Variants in MAGI3 observed in about 807,000 individuals in gnomAD.
The protein encoded by MAGI3 is membrane-associated guanylate kinase, WW and PDZ domain-containing protein 3.
A neutral mutation model predicts 121.8 loss-of-function variants in MAGI3; 43 were observed. The observed-to-expected ratio is 0.35, with a 90% CI of 0.28 to 0.46. The LOEUF is 0.46. MAGI3 is among the 20% of genes least tolerant of loss of function. MAGI3 has a pLI of 1.00. For missense variants in MAGI3, 1,547 were observed against 1,797.3 expected, an observed-to-expected ratio of 0.86 and a Z score of 2.52; for synonymous variants, 553 against 639.3, an observed-to-expected ratio of 0.86 and a Z score of 2.04.
At chr1:113,460,561 G>A (rs1654980133) in intron 1 of MAGI3, among the ~76,000 whole-genome samples, 1 of 152,186 alleles carries the variant, frequency 6.6e-6, no homozygotes. Flanking sequence ...TGTAATCCCA[G>A]CACTTTGGGA....
At chr1:113,405,282 C>T (rs936604413) in intron 1 of MAGI3, among the ~76,000 whole-genome samples, 1 of 151,890 alleles carries the variant, frequency 6.6e-6, no homozygotes, top group Non-Finnish European at 1.5e-5. Flanking sequence ...CAAGACCAGC[C>T]TGGGCTACAT....
chr1:113,466,659 T>C (rs1350969464), intron 1 of MAGI3, among the ~76,000 whole-genome samples: 1 of 150,834 alleles, frequency 6.6e-6, no homozygotes, highest in African/African-American at 2.4e-5. Context: ...TGTTACTTGT[T>C]ATTGGTTTGT....
chr1:113,583,004 A>G (rs1452178040), intron 3 of MAGI3, among the ~76,000 whole-genome samples: 1 of 151,790 alleles, frequency 6.6e-6, no homozygotes. Flanking sequence ...AAAAACTTCA[A>G]AACAGCTCTA....
At chr1:113,532,093 C>T (rs1214054563) in intron 1 of MAGI3, among the ~76,000 whole-genome samples, 2 of 151,894 alleles carry the variant, frequency 1.3e-5, no homozygotes, top group Non-Finnish European at 2.9e-5. Flanking sequence ...GTAATTTAAC[C>T]AATAAAATCA....
intron 2 of MAGI3, chr1:113,576,701 A>G (rs893562387): frequency 2.0e-5 from 3 of 152,206 alleles, no homozygotes; most frequent in Non-Finnish European, 4.4e-5. Context: ...GAGGAAATCT[A>G]TATGGCTTCT....
intron 16 of MAGI3, among the ~76,000 whole-genome samples, chr1:113,670,289 T>C (rs970523272): frequency 6.6e-6 from 1 of 152,198 alleles, no homozygotes; most frequent in Non-Finnish European, 1.5e-5. Context: ...CTCTCTAGCT[T>C]CTAGATACAA....
At chr1:113,536,144 GTTTTTT>G (rs34587648) in intron 1 of MAGI3, among the ~76,000 whole-genome samples, 1,735 of 145,552 alleles carry the variant, frequency 0.012, 39 homozygotes, top group African/African-American at 0.04. Context: ...GAAGACATGT[GTTTTTT>G]TTTTTTTTTA....
At chr1:113,516,169 T>C (rs960324353) in intron 1 of MAGI3, among the ~76,000 whole-genome samples, 8 of 152,124 alleles carry the variant, frequency 5.3e-5, no homozygotes, top group Middle Eastern at 3.4e-3. Flanking sequence ...CATAGATTAA[T>C]AGACACACAT....
chr1:113,537,346 A>G (rs988515441), intron 1 of MAGI3, among the ~76,000 whole-genome samples: 3 of 152,176 alleles, frequency 2.0e-5, no homozygotes. Context: ...CTCATGGTGA[A>G]TTAGAAGGTA....
chr1:113,469,031 A>G (rs137939569), intron 1 of MAGI3, among the ~76,000 whole-genome samples: 1,788 of 152,318 alleles, frequency 0.012, 41 homozygotes, highest in African/African-American at 0.04. Context: ...AAGCATATAT[A>G]TGATAGATAC....
chr1:113,532,128 TGA>T (rs1369861497), intron 1 of MAGI3, among the ~76,000 whole-genome samples: 1 of 152,166 alleles, frequency 6.6e-6, no homozygotes, highest in Non-Finnish European at 1.5e-5. Flanking sequence ...TTCACTGAAT[TGA>T]GTTAGGCAAT....
chr1:113,635,544 A>G (rs1167386641), intron 9 of MAGI3, among the ~76,000 whole-genome samples: 1 of 152,144 alleles, frequency 6.6e-6, no homozygotes, highest in Non-Finnish European at 1.5e-5. Context: ...ATTTGCGTAT[A>G]TTGAACCAGT....
chr1:113,676,028 A>G (rs12751128), intron 19 of MAGI3, among the ~76,000 whole-genome samples: 131 of 144,558 alleles, frequency 9.1e-4, no homozygotes, highest in Non-Finnish European at 1.6e-3. Flanking sequence ...CTCCCCTCCT[A>G]TCTTCTCTTC....
chr1:113,558,585 T>G (rs769554550), intron 2 of MAGI3, among the ~76,000 whole-genome samples: 3 of 150,676 alleles, frequency 2.0e-5, no homozygotes, highest in Non-Finnish European at 2.9e-5. Flanking sequence ...TACGACTGAC[T>G]GGGGTACCTG....
At chr1:113,601,586 G>C (rs1470394538) in intron 6 of MAGI3, among the ~76,000 whole-genome samples, 1 of 149,500 alleles carries the variant, frequency 6.7e-6, no homozygotes, top group African/African-American at 2.5e-5. Flanking sequence ...GTGCTGGAGA[G>C]GATGTGGAGA....
chr1:113,626,740 A>G (rs1476193021), intron 9 of MAGI3, among the ~76,000 whole-genome samples: 3 of 152,278 alleles, frequency 2.0e-5, no homozygotes, highest in Middle Eastern at 3.4e-3. Context: ...GTTGGCATAT[A>G]GTTGCTCATA....
intron 7 of MAGI3, 113 bp from the exon 8 acceptor site, chr1:113,619,623 A>G: frequency 1.4e-6 from 1 of 707,868 alleles, no homozygotes. Context: ...TCCATAGCCT[A>G]AAGATACATA....
At chr1:113,555,038 G>T (rs1041950211) in intron 2 of MAGI3, among the ~76,000 whole-genome samples, 1 of 151,604 alleles carries the variant, frequency 6.6e-6, no homozygotes, top group African/African-American at 2.4e-5. Context: ...TACATGCAAG[G>T]GAACAAAGAA....
chr1:113,634,892 A>G (rs1437712333), intron 9 of MAGI3, among the ~76,000 whole-genome samples: 2 of 151,520 alleles, frequency 1.3e-5, no homozygotes, highest in Non-Finnish European at 2.9e-5. Context: ...ATTTCTTTGT[A>G]TCCTCTTTTA....
Sources: allele counts gnomAD v4.1 joint callset (sites outside exome capture counted in the v4.1 genomes callset), GRCh38; gene constraint gnomAD v4.1.1; transcripts MANE v1.5; gene names NCBI Gene and HGNC (gene_info 2026-07-23, HGNC 2026-07-21).